The following PTER variants were observed in gnomAD, a reference collection of about 807,000 sequenced individuals.
PTER encodes the protein phosphotriesterase related.
PTER carries 38 observed loss-of-function variants against 29.6 expected under a neutral mutation model. The observed-to-expected ratio is 1.28, with a 90% CI of 0.99 to 1.68. The LOEUF is 1.68. PTER is among the 40% of genes most tolerant of loss of function. PTER has a pLI of 0.00. For missense variants in PTER, 482 were observed against 427.8 expected (o/e 1.13, Z -1.12); for synonymous variants, 172 against 154.5 (o/e 1.11, Z -0.84).
In PTER at chr10:16,484,656, G is replaced by T; in HGVS notation, c.272G>T (p.Gly91Val). The stretch of plus-strand genomic sequence containing the variant: ...GAACTGTTGTATTTTAAAGCTAATG[G>T]TGGAGGGGCTTTGGTGGAAAACACA... Reference protein sequence around the residue: ...KEELLYFKANGGGALVENTTT... With the variant: ...KEELLYFKANVGGALVENTTT... Residue 91 changes from glycine (G) to valine (V), a missense_variant, in exon 2 of 5, where the codon GGT becomes GTT. By Grantham distance (109) the Gly-to-Val change is moderately radical (BLOSUM62 -3). Transcript: ENST00000535784. 6.2e-7 allele frequency: 1 copy of T among 1,614,136 alleles called. No individual in the cohort carries two copies.
At chr10:16,444,593 C>T (rs923270745) in intron 1 of PTER, among the ~76,000 whole-genome samples, 3 of 151,844 alleles carry the variant, frequency 2.0e-5, no homozygotes, top group Admixed American at 6.6e-5. Flanking sequence ...GGGTCTCACT[C>T]TGTTGCCCAG....
Position 16,511,346 on chromosome 10 carries a change from CCTAGGA to C in PTER, c.*94_*99del. The stretch of plus-strand genomic sequence containing the variant: ...TCCACTGTGAGATATTAATCAGTTA[CCTAGGA>C]CTAATGACAGATCATTTCCTTCTGA... On this transcript the variant is annotated 3_prime_UTR_variant, in exon 5 of 5. Transcript: ENST00000535784. 1 of 1,176,710 alleles carries C rather than the reference CCTAGGA, an allele frequency of 8.5e-7. No individual in the cohort carries two copies. Among genetic ancestry groups the C allele is most frequent in the Non-Finnish European group, 1.3e-6 (1 of 799,586 alleles). 72.9% of individuals were successfully genotyped at this position (1,176,710 alleles called of 1,614,324 possible). A position where few individuals can be genotyped will look rare whatever the true frequency, so the allele number is the denominator to read the frequency against.
At chr10:16,481,382 T>TG (rs2133442759) in intron 1 of PTER, among the ~76,000 whole-genome samples, 1 of 152,306 alleles carries the variant, frequency 6.6e-6, no homozygotes, top group African/African-American at 2.4e-5. Context: ...AATAACCTCT[T>TG]GCCTGTATGT....
At chr10:16,464,550 G>A (rs781494188) in intron 1 of PTER, among the ~76,000 whole-genome samples, 1 of 152,064 alleles carries the variant, frequency 6.6e-6, no homozygotes, top group Non-Finnish European at 1.5e-5. Context: ...CTTAATGATC[G>A]CCCTTATGTA....
At chr10:16,442,887 G>A (rs1037417992) in intron 1 of PTER, among the ~76,000 whole-genome samples, 8 of 152,216 alleles carry the variant, frequency 5.3e-5, no homozygotes, top group South Asian at 2.1e-4. Context: ...CAGGAGAATC[G>A]CCTGAACCCG....
At chr10:16,489,739 A>G (rs1213155607) in intron 3 of PTER, among the ~76,000 whole-genome samples, 1 of 143,888 alleles carries the variant, frequency 6.9e-6, no homozygotes, top group Non-Finnish European at 1.5e-5. Context: ...CCTGTGACAA[A>G]CGCCATTCTA....
At chr10:16,443,887 G>GT (rs1278761631) in intron 1 of PTER, among the ~76,000 whole-genome samples, 3 of 152,088 alleles carry the variant, frequency 2.0e-5, no homozygotes. Context: ...CTATAAAGTG[G>GT]TATCTTGTGC....
chr10:16,468,278 G>T (rs1452275237), intron 1 of PTER, among the ~76,000 whole-genome samples: 1 of 152,108 alleles, frequency 6.6e-6, no homozygotes, highest in Admixed American at 6.5e-5. Flanking sequence ...GGAGGCAGAG[G>T]TTGCAGTGAG....
At chr10:16,467,375 A>G (rs1834874187) in intron 1 of PTER, among the ~76,000 whole-genome samples, 2 of 152,220 alleles carry the variant, frequency 1.3e-5, no homozygotes, top group South Asian at 4.1e-4. Flanking sequence ...GCGGTTTCAC[A>G]CATCCACTGG....
intron 1 of PTER, among the ~76,000 whole-genome samples, chr10:16,462,915 C>T (rs772725250): frequency 2.0e-5 from 3 of 149,022 alleles, no homozygotes; most frequent in Non-Finnish European, 3.0e-5. Flanking sequence ...TGATGGCTGC[C>T]GGGCGTGGTG....
rs554510978 is a variant in PTER, at chr10:16,493,351, C to T, written c.698+6734C>T. ...GGGGTGTTTGAGAATAATTGGAATGCTATGTGCATGTATTTGTTTGTAACA... is the reference window on the plus strand; with the variant it reads ...GGGGTGTTTGAGAATAATTGGAATGTTATGTGCATGTATTTGTTTGTAACA... On this transcript the variant is annotated intron_variant, in intron 3 of 4. Transcript: ENST00000535784. Among the ~76,000 whole-genome samples the T allele has an allele frequency of 5.3e-5, 8 of 152,218 alleles. No individual in the cohort carries two copies. The South Asian group carries it at 8.3e-4, about 16-fold the overall frequency.
At chr10:16,453,005 C>T (rs1241521396) in intron 1 of PTER, among the ~76,000 whole-genome samples, 1 of 152,196 alleles carries the variant, frequency 6.6e-6, no homozygotes, top group Non-Finnish European at 1.5e-5. Flanking sequence ...CTGCCTCAGC[C>T]TCCCAAATTA....
rs114184401 is a variant in PTER at position 16,461,685 on chromosome 10, T to C, written c.-48-22652T>C. On this transcript the variant is annotated intron_variant, in intron 1 of 4. Transcript: ENST00000535784. ...TACTTTGAGTTCTTTCCTAGACCAT[T>C]AATAAAGGCGACCTCTAGAGCAATT... 4.1e-3 allele frequency among the ~76,000 whole-genome samples: 621 copies of C among 152,302 alleles called. 5 individuals carry two copies. The highest frequency in any genetic ancestry group is 0.014 in the African/African-American group (590 of 41,556).
intron 3 of PTER, 30 bp downstream of exon 3, chr10:16,486,647 A>G (rs1835712772): frequency 1.9e-6 from 3 of 1,584,266 alleles, no homozygotes; most frequent in East Asian, 2.2e-5. Context: ...AATGGATGCA[A>G]ACTGCCATAT....
At chr10:16,503,954 C>A (rs185607510) in intron 3 of PTER, among the ~76,000 whole-genome samples, 1 of 152,208 alleles carries the variant, frequency 6.6e-6, no homozygotes, top group Non-Finnish European at 1.5e-5. Flanking sequence ...CGCCAATTTC[C>A]GATCCGAAAC....
chr10:16,474,892 A>G (rs1835203002), intron 1 of PTER, among the ~76,000 whole-genome samples: 1 of 152,120 alleles, frequency 6.6e-6, no homozygotes, highest in Non-Finnish European at 1.5e-5. Flanking sequence ...ATCTCAAAAA[A>G]CAAAACAAAA....
chr10:16,504,542 C>T (rs1040741108), intron 3 of PTER, among the ~76,000 whole-genome samples: 2 of 152,182 alleles, frequency 1.3e-5, no homozygotes, highest in Non-Finnish European at 2.9e-5. Flanking sequence ...AAGAAAATCA[C>T]CCTGCTACCA....
intron 1 of PTER, among the ~76,000 whole-genome samples, chr10:16,470,736 C>G (rs1206079656): frequency 6.6e-6 from 1 of 152,112 alleles, no homozygotes; most frequent in Non-Finnish European, 1.5e-5. Flanking sequence ...CCACTCCACT[C>G]CAGCCTGGGT....
intron 4 of PTER, among the ~76,000 whole-genome samples, chr10:16,509,721 A>G (rs952605493): frequency 6.6e-6 from 1 of 152,220 alleles, no homozygotes. Flanking sequence ...GTAACTGCAG[A>G]TCAGAACTTC....
Sources: gnomAD v4.1 joint callset for allele counts (sites outside exome capture counted in the v4.1 genomes callset) on GRCh38, gnomAD v4.1.1 for gene constraint, MANE v1.5 for transcripts, NCBI Gene and HGNC (gene_info 2026-07-23, HGNC 2026-07-21) for gene names.